Variants in ADGRB3 observed in about 807,000 individuals in gnomAD.
ADGRB3 encodes adhesion G protein-coupled receptor B3.
Under a neutral mutation model 193.4 loss-of-function variants are expected in ADGRB3, and 37 were observed. That is an observed-to-expected ratio of 0.19 (90% confidence interval 0.15 to 0.25). ADGRB3 has a LOEUF of 0.25. ADGRB3 is among the 10% of genes least tolerant of loss of function. The pLI, the probability that ADGRB3 is intolerant of heterozygous loss-of-function variation, is 1.00. For missense variants in ADGRB3, 1,637 were observed against 1,852.9 expected, an observed-to-expected ratio of 0.88 and a Z score of 2.14; for synonymous variants, 690 against 644.2, an observed-to-expected ratio of 1.07 and a Z score of -1.08.
chr6:69,046,094 T>C (rs180903420), intron 13 of ADGRB3, among the ~76,000 whole-genome samples: 1 of 152,292 alleles, frequency 6.6e-6, no homozygotes, highest in East Asian at 1.9e-4. Flanking sequence ...CAGAATATCA[T>C]CCACTGGTTA....
chr6:69,069,566 A>AAAAAAAAAAAAAAAAAAAAAAAAAC lies in ADGRB3; in HGVS notation c.2437-6414_2437-6413insAAAAAAAAACAAAAAAAAAAAAAAA, dbSNP rs1772013920. ...CTACTAAAAATACAAAAAAAAAAAA[A>AAAAAAAAAAAAAAAAAAAAAAAAAC]AAAAAAAAAAAAAAATTATCCGGAC... On this transcript the variant is annotated intron_variant, in intron 16 of 31. Transcript: ENST00000370598. 1.4e-5 allele frequency among the ~76,000 whole-genome samples: 2 copies of AAAAAAAAAAAAAAAAAAAAAAAAAC among 138,330 alleles called. 1 individual carries two copies. The highest frequency in any genetic ancestry group is 3.1e-5 in the Non-Finnish European group (2 of 63,772). The allele number at this position is 138,330 out of a possible 152,430, so 90.7% of individuals were successfully genotyped here. A position where few individuals can be genotyped will look rare whatever the true frequency, so the allele number is the denominator to read the frequency against.
At chr6:68,810,436 A>G (rs1767488836) in intron 3 of ADGRB3, among the ~76,000 whole-genome samples, 2 of 152,168 alleles carry the variant, frequency 1.3e-5, no homozygotes, top group African/African-American at 4.8e-5. Context: ...TTTTCAAAAT[A>G]TGGTTCAGTC....
chr6:68,924,049 T>G (rs1767115387), intron 3 of ADGRB3, among the ~76,000 whole-genome samples: 1 of 152,046 alleles, frequency 6.6e-6, no homozygotes, highest in Non-Finnish European at 1.5e-5. Context: ...ACAAAAAATA[T>G]CCAACTGCTA....
intron 17 of ADGRB3, among the ~76,000 whole-genome samples, chr6:69,165,929 C>T (rs1050017103): frequency 6.6e-6 from 1 of 151,996 alleles, no homozygotes; most frequent in Non-Finnish European, 1.5e-5. Context: ...AGAACTTTAT[C>T]TGAAAACATG....
At chr6:69,359,339 CTATTA>C (rs1356275680) in intron 28 of ADGRB3, among the ~76,000 whole-genome samples, 5 of 151,110 alleles carry the variant, frequency 3.3e-5, no homozygotes, top group South Asian at 2.1e-4. Flanking sequence ...CATTATTGAT[CTATTA>C]TATTAAGACT....
At chr6:69,039,398 A>G (rs1484575037) in intron 13 of ADGRB3, among the ~76,000 whole-genome samples, 1 of 152,162 alleles carries the variant, frequency 6.6e-6, no homozygotes, top group Non-Finnish European at 1.5e-5. Context: ...AAGATCTTGG[A>G]ACATATCCTC....
chr6:69,345,586 G>A (rs1043931512), intron 26 of ADGRB3, among the ~76,000 whole-genome samples: 5 of 152,038 alleles, frequency 3.3e-5, no homozygotes, highest in Non-Finnish European at 5.9e-5. Context: ...AATAAACTAG[G>A]TACTGATGGA....
chr6:69,061,435 C>G (rs960106188), intron 15 of ADGRB3, among the ~76,000 whole-genome samples: 2 of 151,978 alleles, frequency 1.3e-5, no homozygotes, highest in South Asian at 4.1e-4. Flanking sequence ...AACTATATGA[C>G]TTAAATGGTA....
chr6:69,008,152 G>A (rs1285609220), intron 11 of ADGRB3, among the ~76,000 whole-genome samples: 3 of 152,078 alleles, frequency 2.0e-5, no homozygotes, highest in South Asian at 2.1e-4. Flanking sequence ...AATTTTGGAG[G>A]CATCATATTC....
At chr6:69,249,526 G>C (rs1766574835) in intron 20 of ADGRB3, among the ~76,000 whole-genome samples, 1 of 152,188 alleles carries the variant, frequency 6.6e-6, no homozygotes, top group African/African-American at 2.4e-5. Context: ...CCTTATTAGA[G>C]AAACTCTTTC....
chr6:69,049,034 T>A (rs1377745651), intron 14 of ADGRB3, among the ~76,000 whole-genome samples: 1 of 152,118 alleles, frequency 6.6e-6, no homozygotes, highest in Non-Finnish European at 1.5e-5. Flanking sequence ...AAATGGAGAC[T>A]AAGGCAGCTT....
chr6:69,081,474 A>G lies in ADGRB3; in HGVS notation c.2480+5436A>G, dbSNP rs544032228. ...TCTTCTAGAAATATTACAAAAAGCAATAGAAAAAATTTAATTTTCTAAGAA... is the reference window on the plus strand; with the variant it reads ...TCTTCTAGAAATATTACAAAAAGCAGTAGAAAAAATTTAATTTTCTAAGAA... On this transcript the variant is annotated intron_variant, in intron 17 of 31. Transcript: ENST00000370598. 3.3e-5 allele frequency among the ~76,000 whole-genome samples: 5 copies of G among 152,094 alleles called. No homozygotes were observed. In the South Asian group the frequency reaches 8.3e-4, roughly 25 times the overall value.
At chr6:69,145,830 C>T (rs1276349736) in intron 17 of ADGRB3, among the ~76,000 whole-genome samples, 1 of 152,012 alleles carries the variant, frequency 6.6e-6, no homozygotes, top group East Asian at 1.9e-4. Context: ...AGAGGAGACC[C>T]TGGAGTGGTT....
chr6:69,235,259 G>A (rs1766235217), intron 19 of ADGRB3, 124 bp downstream of exon 19: 7 of 769,314 alleles, frequency 9.1e-6, no homozygotes, highest in Non-Finnish European at 1.1e-5. Context: ...TTTTACAACA[G>A]AGTTATAATT....
intron 20 of ADGRB3, among the ~76,000 whole-genome samples, chr6:69,271,964 C>T (rs1767191281): frequency 6.6e-6 from 1 of 152,044 alleles, no homozygotes; most frequent in Admixed American, 6.6e-5. Context: ...GTTGTATACA[C>T]CATCCATCTC....
chr6:68,939,056 A>T (rs1169968375), intron 5 of ADGRB3, among the ~76,000 whole-genome samples: 1 of 152,078 alleles, frequency 6.6e-6, no homozygotes, highest in African/African-American at 2.4e-5. Flanking sequence ...TGACATATGA[A>T]AGTTGCCTTC....
chr6:69,381,286 C>A (rs972371502), intron 30 of ADGRB3, among the ~76,000 whole-genome samples: 25 of 151,900 alleles, frequency 1.6e-4, no homozygotes, highest in Non-Finnish European at 1.5e-5. Flanking sequence ...ATATTCCCCC[C>A]CAAACTGATG....
At chr6:68,826,680 T>C (rs546274344) in intron 3 of ADGRB3, among the ~76,000 whole-genome samples, 1 of 152,160 alleles carries the variant, frequency 6.6e-6, no homozygotes, top group Non-Finnish European at 1.5e-5. Context: ...GCAACCTAGA[T>C]GACAAAGGGT....
intron 16 of ADGRB3, among the ~76,000 whole-genome samples, chr6:69,063,348 C>T (rs1303794948): frequency 1.3e-5 from 2 of 151,946 alleles, no homozygotes; most frequent in African/African-American, 4.8e-5. Flanking sequence ...TATCAGTGCA[C>T]ACATCTTTAC....
Sources: allele counts gnomAD v4.1 joint callset (sites outside exome capture counted in the v4.1 genomes callset), GRCh38; gene constraint gnomAD v4.1.1; transcripts MANE v1.5; gene names NCBI Gene and HGNC (gene_info 2026-07-23, HGNC 2026-07-21).